Variants in USP14 observed in about 807,000 individuals in gnomAD.
USP14 encodes the protein ubiquitin carboxyl-terminal hydrolase 14.
USP14 carries 38 observed loss-of-function variants against 76.5 expected under a neutral mutation model. That is an observed-to-expected ratio of 0.50 (90% CI 0.38 to 0.65). The LOEUF is 0.65. Ranked by LOEUF, USP14 falls within the 30% of genes least tolerant of loss-of-function variation. USP14 has a pLI of 0.00. For synonymous variants in USP14, 192 were observed against 191.7 expected (o/e 1.00, Z -0.01); for missense variants, 467 against 586.5 (o/e 0.80, Z 2.10).
At chr18:204,192 A>G (rs758505078) in intron 12 of USP14, among the ~76,000 whole-genome samples, 1 of 151,782 alleles carries the variant, frequency 6.6e-6, no homozygotes, top group African/African-American at 2.4e-5. Flanking sequence ...TTGTATTTCA[A>G]ATAAAAAAAA....
rs964670317 is a variant in USP14, at chr18:203,101, A to G, written c.946A>G (p.Lys316Glu). The change falls in exon 12 of 16, where the codon AAG (lysine) becomes GAG (glutamate). Residue 316 changes from lysine (K) to glutamate (E), a missense_variant. Coordinates refer to ENST00000261601, the MANE Select transcript of USP14 (RefSeq NM_005151.4). The stretch of plus-strand genomic sequence containing the variant: ...TCTTTACATTTTGTCTCCTCAGTCC[A>G]AGATCAGCCGGCTGCCTGCTTACTT... ...QRNALYIKSS[K>E]ISRLPAYLTI... is the part of the protein sequence containing the mutation. 1.2e-6 allele frequency: 2 copies of G among 1,613,870 alleles called. No individual in the cohort carries two copies. Among genetic ancestry groups the G allele is most frequent in the Non-Finnish European group, 1.7e-6 (2 of 1,180,000 alleles).
At position 201,918 on chromosome 18, in the gene USP14, T is replaced by C. The variant is rs1473159533; in HGVS notation, c.877-962T>C. Reference sequence around the variant, plus strand: ...ATTTTATCTTTTGTTCTGATAATTCTTGAGTAATTTGGCTTCGTTTCTCCA... The same window carrying C: ...ATTTTATCTTTTGTTCTGATAATTCCTGAGTAATTTGGCTTCGTTTCTCCA... On this transcript the variant is annotated intron_variant, in intron 10 of 15. Transcript: ENST00000261601. Among the ~76,000 whole-genome samples the C allele has an allele frequency of 2.0e-5, 3 of 152,378 alleles. No homozygotes were observed. In the East Asian group the frequency reaches 5.8e-4, roughly 29 times the overall value.
At position 189,602 on chromosome 18, in the gene USP14, C is replaced by T. The variant is rs553703058; in HGVS notation, c.405-3240C>T. The stretch of plus-strand genomic sequence containing the variant: ...GGTTCAAGTGATTCTCCTACCACAG[C>T]CTCCTGAGTAGCTGGGACTACAGGC... On this transcript the variant is annotated intron_variant, in intron 5 of 15. Coordinates refer to ENST00000261601, the MANE Select transcript of USP14 (RefSeq NM_005151.4). Among the ~76,000 whole-genome samples, 564 of 152,210 alleles carry T rather than the reference C, an allele frequency of 3.7e-3. 1 individual carries two copies. Among genetic ancestry groups the T allele is most frequent in the African/African-American group, 0.013 (533 of 41,536 alleles).
rs1363585827 is a variant in USP14, at chr18:213,999, ATGATGATTGAT to A, written c.*2727_*2737del. On this transcript the variant is annotated 3_prime_UTR_variant, in exon 16 of 16. Transcript: ENST00000261601. ...ATTAGATAGATAGATAGATAGATAG[ATGATGATTGAT>A]TGATGATTGATAGTAAATTATTTCA... 1 of 149,304 alleles carries A rather than the reference ATGATGATTGAT, an allele frequency of 6.7e-6. No individual in the cohort carries two copies. The highest frequency in any genetic ancestry group is 1.5e-5 in the Non-Finnish European group (1 of 67,212). The allele number at this position is 149,304 out of a possible 1,614,324, so 9.2% of individuals were successfully genotyped here.
chr18:170,916 C>T (rs1029476285), intron 3 of USP14, among the ~76,000 whole-genome samples: 3 of 150,072 alleles, frequency 2.0e-5, no homozygotes, highest in Non-Finnish European at 4.4e-5. Flanking sequence ...GGCTTAATAC[C>T]TAGGTGATGG....
intron 13 of USP14, among the ~76,000 whole-genome samples, chr18:205,299 T>C (rs899488346): frequency 6.6e-6 from 1 of 152,192 alleles, no homozygotes; most frequent in Admixed American, 6.5e-5. Context: ...TTTATACTTA[T>C]CTCCTCAAAG....
chr18:211,218 T>C lies in USP14; in HGVS notation c.1419T>C (p.His473=), dbSNP rs533924627. Residue 473 remains histidine (H), a synonymous_variant, in exon 16 of 16, where the codon CAT becomes CAC. Coordinates refer to ENST00000261601, the MANE Select transcript of USP14 (RefSeq NM_005151.4). Reference sequence around the variant, plus strand: ...GGCTTTCTGGTGGTGGAGACTGGCATATCGCTTACGTTCTACTCTATGGGC... The same window carrying C: ...GGCTTTCTGGTGGTGGAGACTGGCACATCGCTTACGTTCTACTCTATGGGC... ...ILRLSGGGDW[H]IAYVLLYGPR... is the part of the protein sequence containing the mutation. The C allele has an allele frequency of 1.2e-5, 20 of 1,614,152 alleles. No homozygotes were observed. In the East Asian group the frequency reaches 3.8e-4, roughly 31 times the overall value.
At chr18:200,856 C>T (rs1005960716) in intron 10 of USP14, among the ~76,000 whole-genome samples, 9 of 152,104 alleles carry the variant, frequency 5.9e-5, no homozygotes, top group African/African-American at 1.9e-4. Flanking sequence ...AGCTGGAGTG[C>T]AGTGGCACAA....
rs1040746867 is a variant in USP14, at chr18:197,833, G to A, written c.675+137G>A. ...TTTAAATACTTTAGATGCTCAATCT[G>A]TAGTCAGAATTTGGAAGCTTGCATA... On this transcript the variant is annotated intron_variant, in intron 8 of 15. Coordinates refer to ENST00000261601, the MANE Select transcript of USP14 (RefSeq NM_005151.4). 8 of 715,064 alleles carry A rather than the reference G, an allele frequency of 1.1e-5. No homozygotes were observed. In the African/African-American group the frequency reaches 1.3e-4, roughly 11 times the overall value. 44.3% of individuals were successfully genotyped at this position (715,064 alleles called of 1,614,324 possible). A position where few individuals can be genotyped will look rare whatever the true frequency, so the allele number is the denominator to read the frequency against.
At chr18:169,382 A>AT (rs1216264482) in intron 3 of USP14, among the ~76,000 whole-genome samples, 14 of 139,844 alleles carry the variant, frequency 1.0e-4, no homozygotes, top group African/African-American at 3.4e-4. Context: ...AAAAAAAAAA[A>AT]GAGTGGACAT....
In USP14 at chr18:214,487, T is replaced by C. The variant is rs1301819021; in HGVS notation, c.*3203T>C. On this transcript the variant is annotated 3_prime_UTR_variant, in exon 16 of 16. Coordinates refer to ENST00000261601, the MANE Select transcript of USP14 (RefSeq NM_005151.4). ...CTGGTTTGAGCCAATATGTGTTCTA[T>C]TGTTCTCAGAGCACCAGCCGACTGT... 2 of 717,840 alleles carry C rather than the reference T, an allele frequency of 2.8e-6. No homozygotes were observed. The highest frequency in any genetic ancestry group is 4.5e-6 in the Non-Finnish European group (2 of 445,866). The allele number at this position is 717,840 out of a possible 1,614,324, so 44.5% of individuals were successfully genotyped here.
chr18:177,384 T>G (rs1254841957), intron 3 of USP14, among the ~76,000 whole-genome samples: 1 of 147,310 alleles, frequency 6.8e-6, no homozygotes. Flanking sequence ...ATTGTGCCAC[T>G]GCACTCCTGC....
At chr18:164,488 C>G (rs1257154624) in intron 2 of USP14, among the ~76,000 whole-genome samples, 1 of 151,916 alleles carries the variant, frequency 6.6e-6, no homozygotes, top group African/African-American at 2.4e-5. Context: ...GAGTCTTGCC[C>G]TGTTGCCCAT....
At chr18:174,127 T>C (rs1598266952) in intron 3 of USP14, among the ~76,000 whole-genome samples, 1 of 152,296 alleles carries the variant, frequency 6.6e-6, no homozygotes, top group Non-Finnish European at 1.5e-5. Context: ...TTGCATTGAA[T>C]CTGTATGTCA....
intron 13 of USP14, 64 bp from the exon 14 acceptor site, chr18:209,907 T>TA: frequency 3.9e-6 from 5 of 1,288,714 alleles, no homozygotes; most frequent in Non-Finnish European, 5.5e-6. Flanking sequence ...ATTGAACACT[T>TA]ACAGAGAATT....
rs1244933313 is a variant in USP14, at chr18:213,205, G to T, written c.*1921G>T. 6.6e-6 allele frequency: 1 copy of T among 152,140 alleles called. No homozygotes were observed. The highest frequency in any genetic ancestry group is 1.5e-5 in the Non-Finnish European group (1 of 68,034). The allele number at this position is 152,140 out of a possible 1,614,324, so 9.4% of individuals were successfully genotyped here. A position where few individuals can be genotyped will look rare whatever the true frequency, so the allele number is the denominator to read the frequency against. On this transcript the variant is annotated 3_prime_UTR_variant, in exon 16 of 16. Coordinates refer to ENST00000261601, the MANE Select transcript of USP14 (RefSeq NM_005151.4). ...GTCAGAACAATTTTATTGAGGACAT[G>T]AATTTAACAATTAGAATTTAGATTT... is the stretch of plus-strand genomic sequence containing the variant.
chr18:171,054 A>ATATG (rs1555762382), intron 3 of USP14, among the ~76,000 whole-genome samples: 1 of 141,092 alleles, frequency 7.1e-6, no homozygotes, highest in African/African-American at 2.6e-5. Context: ...ATATATATAT[A>ATATG]TAAACTGAAG....
At chr18:162,021 T>C (rs1909133767) in intron 1 of USP14, among the ~76,000 whole-genome samples, 1 of 152,240 alleles carries the variant, frequency 6.6e-6, no homozygotes, top group African/African-American at 2.4e-5. Flanking sequence ...TTGACCACTT[T>C]AGGTATCTCA....
intron 1 of USP14, among the ~76,000 whole-genome samples, chr18:161,117 G>A (rs530575821): frequency 2.0e-5 from 3 of 152,030 alleles, no homozygotes; most frequent in Non-Finnish European, 2.9e-5. Context: ...TAGTAGAAAC[G>A]AGGTTTCACC....
Sources: gnomAD v4.1 joint callset for allele counts (sites outside exome capture counted in the v4.1 genomes callset) on GRCh38, gnomAD v4.1.1 for gene constraint, MANE v1.5 for transcripts, NCBI Gene and HGNC (gene_info 2026-07-23, HGNC 2026-07-21) for gene names.